Variants in CGAS observed in about 807,000 individuals in gnomAD.
CGAS encodes 2'3'-cGAMP synthase.
In CGAS, 31 loss-of-function variants were observed where a neutral mutation model predicts 34.0. The observed-to-expected ratio is 0.91, with a 90% CI of 0.69 to 1.23. The LOEUF is 1.23. Among genes scored for constraint, CGAS ranks in the 50% most tolerant of loss-of-function variants. CGAS has a pLI of 0.00. For missense variants in CGAS, 597 were observed against 657.6 expected (o/e 0.91, Z 1.01); for synonymous variants, 266 against 260.0 (o/e 1.02, Z -0.22).
rs115659390 is a variant in CGAS at position 73,425,688 on chromosome 6, T to A, written c.1218-110A>T. ...CAATAAAGATATATAATAACATAAA[T>A]ATAGGCCGGGCGTGGTGACACAACG... On this transcript the variant is annotated intron_variant, in intron 4 of 4. Transcript: ENST00000370315. 3.7e-3 allele frequency: 2,678 copies of A among 717,464 alleles called. 64 individuals are homozygous for A. The African/African-American group carries it at 0.043, about 12-fold the overall frequency. 44.4% of individuals were successfully genotyped at this position (717,464 alleles called of 1,614,324 possible).
Position 73,451,564 on chromosome 6 carries a change from G to T in CGAS, c.618C>A (p.Val206=). The change falls in exon 1 of 5, where the codon GTC becomes GTA. Residue 206 remains valine (V), a synonymous_variant. Transcript: ENST00000370315. ...RLKCDSAFRG[V]GLLNTGSYYE... Reference sequence around the variant, plus strand: ...AGTAGCTCCCGGTGTTCAGCAGCCCGACGCCTCTGAACGCGGAGTCGCACT... The same window carrying T: ...AGTAGCTCCCGGTGTTCAGCAGCCCTACGCCTCTGAACGCGGAGTCGCACT... The T allele has an allele frequency of 1.2e-6, 2 of 1,605,974 alleles. No individual in the cohort carries two copies. The highest frequency in any genetic ancestry group is 1.7e-6 in the Non-Finnish European group (2 of 1,176,496).
At chr6:73,449,112 G>T (rs1353758864) in intron 1 of CGAS, among the ~76,000 whole-genome samples, 1 of 151,582 alleles carries the variant, frequency 6.6e-6, no homozygotes, top group Non-Finnish European at 1.5e-5. Context: ...AAAAGAAAAA[G>T]AAAAAAAGAA....
At chr6:73,435,862 A>G (rs150383528) in intron 3 of CGAS, among the ~76,000 whole-genome samples, 28 of 151,890 alleles carry the variant, frequency 1.8e-4, no homozygotes, top group African/African-American at 6.7e-4. Context: ...AAATTACTAT[A>G]TTATCTAATA....
intron 1 of CGAS, among the ~76,000 whole-genome samples, chr6:73,449,939 G>A (rs902559057): frequency 2.0e-5 from 3 of 151,670 alleles, no homozygotes; most frequent in Non-Finnish European, 4.4e-5. Context: ...AGGTTGCAGC[G>A]AAACCTAGAT....
In CGAS at chr6:73,424,240, C is replaced by T. The variant is rs1226212820; in HGVS notation, c.*987G>A. 6.6e-6 allele frequency: 1 copy of T among 152,148 alleles called. No individual in the cohort carries two copies. Among genetic ancestry groups the T allele is most frequent in the East Asian group, 1.9e-4 (1 of 5,196 alleles). 9.4% of individuals were successfully genotyped at this position (152,148 alleles called of 1,614,324 possible). A position where few individuals can be genotyped will look rare whatever the true frequency, so the allele number is the denominator to read the frequency against. On this transcript the variant is annotated 3_prime_UTR_variant, in exon 5 of 5. Coordinates refer to ENST00000370315, the MANE Select transcript of CGAS (RefSeq NM_138441.3). The stretch of plus-strand genomic sequence containing the variant: ...ACAAGGTAAGGAGATCGAGACCATC[C>T]TGGCTAACATGGTGAAACCCCATCT...
chr6:73,428,673 T>C (rs1299970431), intron 4 of CGAS, 36 bp downstream of exon 4: 1 of 1,579,612 alleles, frequency 6.3e-7, no homozygotes. Context: ...AAGCATACCA[T>C]AGATAATCTG....
chr6:73,447,043 G>T (rs1292874422), intron 1 of CGAS, among the ~76,000 whole-genome samples: 1 of 152,166 alleles, frequency 6.6e-6, no homozygotes. Context: ...GCGACAGTGC[G>T]AGACTCCGTC....
chr6:73,447,287 T>G (rs781281366), intron 1 of CGAS, among the ~76,000 whole-genome samples: 17 of 152,112 alleles, frequency 1.1e-4, no homozygotes, highest in South Asian at 2.1e-4. Context: ...GTTTTCAGTT[T>G]TTTGTTTTTT....
intron 1 of CGAS, among the ~76,000 whole-genome samples, 198 bp downstream of exon 1, chr6:73,451,327 G>A (rs1479791372): frequency 1.3e-5 from 2 of 152,222 alleles, no homozygotes; most frequent in Non-Finnish European, 2.9e-5. Flanking sequence ...ATCAGTACCG[G>A]TTGGTTGTCT....
At chr6:73,438,107 T>C (rs1770308634) in intron 3 of CGAS, among the ~76,000 whole-genome samples, 1 of 152,010 alleles carries the variant, frequency 6.6e-6, no homozygotes, top group South Asian at 2.1e-4. Context: ...AACAAAAACA[T>C]AATATTTTTA....
chr6:73,445,950 CAATT>C (rs1770461610), intron 1 of CGAS, among the ~76,000 whole-genome samples: 1 of 152,096 alleles, frequency 6.6e-6, no homozygotes, highest in South Asian at 2.1e-4. Flanking sequence ...GTTCTACACT[CAATT>C]AATTTTTTTT....
chr6:73,435,575 A>G (rs1024080991), intron 3 of CGAS, among the ~76,000 whole-genome samples: 5 of 152,198 alleles, frequency 3.3e-5, no homozygotes, highest in African/African-American at 1.2e-4. Flanking sequence ...ATTAAAAGAA[A>G]AAAAGTGTTA....
intron 3 of CGAS, among the ~76,000 whole-genome samples, chr6:73,435,249 T>C (rs534716426): frequency 6.6e-6 from 1 of 152,304 alleles, no homozygotes; most frequent in Non-Finnish European, 1.5e-5. Context: ...TACAAAACTA[T>C]GCTAAAACAA....
intron 3 of CGAS, 64 bp from the exon 4 acceptor site, chr6:73,428,875 C>T: frequency 9.3e-6 from 13 of 1,398,040 alleles, no homozygotes; most frequent in Non-Finnish European, 1.3e-5. Context: ...AAACAATATT[C>T]AAGTGGTTTC....
At chr6:73,433,084 A>AAAATAAAT in intron 3 of CGAS, among the ~76,000 whole-genome samples, 1 of 152,092 alleles carries the variant, frequency 6.6e-6, no homozygotes, top group African/African-American at 2.4e-5. Context: ...ACTCCATCTC[A>AAAATAAAT]AAATAAATAA....
chr6:73,442,403 A>C (rs1257480398), intron 2 of CGAS, among the ~76,000 whole-genome samples: 10 of 138,100 alleles, frequency 7.2e-5, no homozygotes, highest in Admixed American at 7.2e-5. Context: ...TCCAGCCCAA[A>C]CTTTTTTTTT....
At chr6:73,442,637 C>T (rs1320669333) in intron 2 of CGAS, among the ~76,000 whole-genome samples, 21 of 135,568 alleles carry the variant, frequency 1.5e-4, no homozygotes, top group African/African-American at 5.4e-4. Flanking sequence ...CTTGCTCTGT[C>T]GCTCAGGCTG....
chr6:73,426,347 ATG>A (rs1314683007), intron 4 of CGAS, among the ~76,000 whole-genome samples: 9 of 137,998 alleles, frequency 6.5e-5, no homozygotes, highest in Non-Finnish European at 1.1e-4. Context: ...ATGAAATGAA[ATG>A]ATAAAATAAA....
At chr6:73,448,381 G>A (rs1236870522) in intron 1 of CGAS, among the ~76,000 whole-genome samples, 2 of 152,086 alleles carry the variant, frequency 1.3e-5, no homozygotes, top group African/African-American at 2.4e-5. Flanking sequence ...CAGGCAACAA[G>A]AGTGAAACTC....
Sources: allele counts gnomAD v4.1 joint callset (sites outside exome capture counted in the v4.1 genomes callset), GRCh38; gene constraint gnomAD v4.1.1; transcripts MANE v1.5; gene names NCBI Gene and HGNC (gene_info 2026-07-23, HGNC 2026-07-21).